Variants in TENM3 observed in about 807,000 individuals in gnomAD.
The protein encoded by TENM3 is teneurin-3.
In TENM3, 63 loss-of-function variants were observed where a neutral mutation model predicts 255.1. The ratio of observed to expected loss-of-function variants is 0.25; its 90% CI spans 0.20 to 0.30. TENM3 has a LOEUF of 0.30. TENM3 is among the 10% of genes least tolerant of loss of function. The pLI is 1.00. For synonymous variants in TENM3, 1,306 were observed against 1,322.3 expected (o/e 0.99, Z 0.27); for missense variants, 2,929 against 3,461.1 (o/e 0.85, Z 3.86).
At chr4:181,629,506 G>A in the TENM3 span, among the ~76,000 whole-genome samples, 5 of 152,090 alleles carry the variant, frequency 3.3e-5, no homozygotes, top group Admixed American at 1.3e-4. Context: ...TTTGAGATAC[G>A]TCCATCAATA....
At chr4:182,638,982 A>T (rs938772350) in intron 5 of TENM3, among the ~76,000 whole-genome samples, 1 of 152,150 alleles carries the variant, frequency 6.6e-6, no homozygotes, top group Non-Finnish European at 1.5e-5. Context: ...TTTGAGAGAA[A>T]ATTGTACAGG....
At chr4:182,448,198 C>T (rs544047422) in intron 3 of TENM3, among the ~76,000 whole-genome samples, 1 of 152,268 alleles carries the variant, frequency 6.6e-6, no homozygotes, top group South Asian at 2.1e-4. Context: ...GGGACGAGGG[C>T]GCAGAGCAGC....
chr4:182,046,763 A>G, the TENM3 span, among the ~76,000 whole-genome samples: 6 of 152,124 alleles, frequency 3.9e-5, no homozygotes, highest in African/African-American at 1.4e-4. Context: ...CTTTGTATAT[A>G]ACACAATAAT....
the TENM3 span, among the ~76,000 whole-genome samples, chr4:181,920,031 A>G: frequency 2.7e-5 from 4 of 150,928 alleles, no homozygotes; most frequent in African/African-American, 4.9e-5. Context: ...ATGATTTCCA[A>G]TTTCCTCCAT....
intron 5 of TENM3, among the ~76,000 whole-genome samples, chr4:182,630,775 T>TTA (rs567434291): frequency 0.13 from 19,776 of 150,326 alleles, 2,058 homozygotes; most frequent in East Asian, 0.47. Context: ...TATTATTATT[T>TTA]TTTTTTTACT....
chr4:182,736,825 T>G lies in TENM3; in HGVS notation c.2985T>G (p.Thr995=). ...IPETQVLHEE[T]TIPGTDLKLS... is the part of the protein sequence containing the mutation. The stretch of plus-strand genomic sequence containing the variant: ...AAACTTAGGTACTCCACGAGGAAAC[T>G]ACAATTCCAGGAACAGATTTGAAAC... Residue 995 remains threonine, a synonymous_variant, in exon 17 of 28, where the codon ACT becomes ACG. Coordinates refer to ENST00000511685, the MANE Select transcript of TENM3 (RefSeq NM_001080477.4). The G allele has an allele frequency of 6.2e-7, 1 of 1,613,464 alleles. No individual in the cohort carries two copies. The highest frequency in any genetic ancestry group is 8.5e-7 in the Non-Finnish European group (1 of 1,179,718).
At chr4:182,014,737 C>T in the TENM3 span, among the ~76,000 whole-genome samples, 1 of 152,032 alleles carries the variant, frequency 6.6e-6, no homozygotes, top group African/African-American at 2.4e-5. Flanking sequence ...CTCACTAAAC[C>T]TTAGGAAGCT....
the TENM3 span, among the ~76,000 whole-genome samples, chr4:181,735,125 A>G: frequency 6.6e-6 from 1 of 152,180 alleles, no homozygotes; most frequent in South Asian, 2.1e-4. Context: ...GATTTATTCT[A>G]CTATTTTTCA....
chr4:182,636,169 T>G (rs1191488074), intron 5 of TENM3, among the ~76,000 whole-genome samples: 1 of 152,228 alleles, frequency 6.6e-6, no homozygotes, highest in Non-Finnish European at 1.5e-5. Context: ...AGCATTTTAA[T>G]ACTAACATGA....
the TENM3 span, among the ~76,000 whole-genome samples, chr4:181,989,416 G>A: frequency 3.9e-5 from 6 of 151,972 alleles, no homozygotes; most frequent in African/African-American, 1.4e-4. Context: ...AGCAAGAACA[G>A]AATATAGTAC....
chr4:182,362,177 C>T (rs1766049864), intron 3 of TENM3, among the ~76,000 whole-genome samples: 1 of 152,046 alleles, frequency 6.6e-6, no homozygotes, highest in African/African-American at 2.4e-5. Context: ...GGTCAGGGAC[C>T]CACTTGAGGA....
At chr4:182,103,463 A>C in the TENM3 span, among the ~76,000 whole-genome samples, 104 of 152,342 alleles carry the variant, frequency 6.8e-4, no homozygotes, top group Non-Finnish European at 1.0e-3. Context: ...TTCATAATGA[A>C]ATTTCTTAGC....
At chr4:181,833,468 C>G in the TENM3 span, among the ~76,000 whole-genome samples, 1 of 152,278 alleles carries the variant, frequency 6.6e-6, no homozygotes, top group East Asian at 1.9e-4. Flanking sequence ...GGCAGGGGAG[C>G]ATGTCGCTGC....
At chr4:182,713,530 G>A (rs189849709) in intron 12 of TENM3, among the ~76,000 whole-genome samples, 2 of 152,220 alleles carry the variant, frequency 1.3e-5, no homozygotes, top group African/African-American at 2.4e-5. Context: ...ATTATTTAAT[G>A]CACTGTAATT....
At chr4:182,729,639 A>C (rs1343679292) in intron 14 of TENM3, among the ~76,000 whole-genome samples, 1 of 152,196 alleles carries the variant, frequency 6.6e-6, no homozygotes, top group Non-Finnish European at 1.5e-5. Context: ...AATGACCTGA[A>C]AGTAAAGCAG....
chr4:182,650,889 A>AAAAAT (rs1281790163), intron 5 of TENM3, among the ~76,000 whole-genome samples: 4 of 29,772 alleles, frequency 1.3e-4, no homozygotes, highest in South Asian at 8.8e-4. Flanking sequence ...AATAAAAAAA[A>AAAAAT]ATATATATAT....
In TENM3 at chr4:182,802,356, A is replaced by G. The variant is rs1021848560; in HGVS notation, c.*2005A>G. ...AGAAAACTATGAGATTTCAAACCAC[A>G]TAAACATGATTCTGTTTTCCATTTT... is the stretch of plus-strand genomic sequence containing the variant. On this transcript the variant is annotated 3_prime_UTR_variant, in exon 28 of 28. Coordinates refer to ENST00000511685, the MANE Select transcript of TENM3 (RefSeq NM_001080477.4). The G allele has an allele frequency of 6.6e-6, 1 of 152,668 alleles. No homozygotes were observed. The highest frequency in any genetic ancestry group is 2.4e-5 in the African/African-American group (1 of 41,466). 9.5% of individuals were successfully genotyped at this position (152,668 alleles called of 1,614,324 possible). A position where few individuals can be genotyped will look rare whatever the true frequency, so the allele number is the denominator to read the frequency against.
At chr4:182,477,003 G>A (rs566669603) in intron 3 of TENM3, among the ~76,000 whole-genome samples, 3 of 152,332 alleles carry the variant, frequency 2.0e-5, no homozygotes, top group African/African-American at 7.2e-5. Flanking sequence ...GCTATCTATA[G>A]CAGAATGAAG....
chr4:181,998,305 G>A, the TENM3 span, among the ~76,000 whole-genome samples: 4 of 152,150 alleles, frequency 2.6e-5, no homozygotes, highest in Non-Finnish European at 4.4e-5. Context: ...ATGCCCACAA[G>A]GAGTATTTAG....
Sources: allele counts gnomAD v4.1 joint callset (sites outside exome capture counted in the v4.1 genomes callset), GRCh38; gene constraint gnomAD v4.1.1; transcripts MANE v1.5; gene names NCBI Gene and HGNC (gene_info 2026-07-23, HGNC 2026-07-21).